Variants in NSG2 observed in about 807,000 individuals in gnomAD.
NSG2 encodes the protein neuronal vesicle trafficking-associated protein 2.
NSG2 carries 4 observed loss-of-function variants against 16.9 expected under a neutral mutation model. The ratio of observed to expected loss-of-function variants is 0.24; its 90% CI spans 0.12 to 0.54. NSG2 has a LOEUF of 0.54. Among genes scored for constraint, NSG2 ranks in the 20% least tolerant of loss-of-function variants. The pLI is 0.95. For synonymous variants in NSG2, 98 were observed against 88.7 expected, an observed-to-expected ratio of 1.11 and a Z score of -0.59; for missense variants, 179 against 221.1, an observed-to-expected ratio of 0.81 and a Z score of 1.21.
At chr5:174,047,595 A>G (rs987763041) in intron 2 of NSG2, among the ~76,000 whole-genome samples, 4 of 152,234 alleles carry the variant, frequency 2.6e-5, no homozygotes, top group African/African-American at 9.6e-5. Flanking sequence ...AAGGGCACAC[A>G]TATGCAAAGC....
chr5:174,105,856 C>T (rs560217093), intron 4 of NSG2, among the ~76,000 whole-genome samples: 43 of 152,142 alleles, frequency 2.8e-4, no homozygotes, highest in Middle Eastern at 3.4e-3. Context: ...GCCGAGGCCG[C>T]GCCATTGCAC....
intron 3 of NSG2, among the ~76,000 whole-genome samples, chr5:174,069,377 C>T (rs901996801): frequency 2.6e-5 from 4 of 152,128 alleles, no homozygotes; most frequent in Non-Finnish European, 5.9e-5. Context: ...TGAGTTGGAG[C>T]TGAGTTTGGA....
intron 1 of NSG2, among the ~76,000 whole-genome samples, chr5:174,046,370 A>G (rs1484740130): frequency 1.3e-5 from 2 of 152,036 alleles, no homozygotes; most frequent in African/African-American, 2.4e-5. Context: ...GGGTGGTATA[A>G]TAGGACTTCA....
chr5:174,062,952 A>G lies in NSG2; in HGVS notation c.130-1280A>G, dbSNP rs193264891. On this transcript the variant is annotated intron_variant, in intron 2 of 4. Transcript: ENST00000303177. ...GCCATAATGGGAAGTAGGAGTGATC[A>G]TGGTTAGAAGATTACTTCATTTTAG... Among the ~76,000 whole-genome samples the G allele has an allele frequency of 2.3e-4, 35 of 152,342 alleles. No homozygotes were observed. In the East Asian group the frequency reaches 6.8e-3, roughly 29 times the overall value.
At chr5:174,046,646 T>A in intron 1 of NSG2, 88 bp from the exon 2 acceptor site, 1 of 1,133,732 alleles carries the variant, frequency 8.8e-7, no homozygotes, top group East Asian at 2.4e-5. Flanking sequence ...TGAGTGGAGC[T>A]GTTGAGGACA....
intron 2 of NSG2, chr5:174,062,766 G>A (rs67299567): frequency 0.13 from 20,312 of 152,150 alleles, 1,819 homozygotes; most frequent in African/African-American, 0.25. Context: ...TGGTAGCGCC[G>A]TCCCTATCCC....
intron 2 of NSG2, among the ~76,000 whole-genome samples, chr5:174,063,296 A>T (rs963833171): frequency 6.6e-6 from 1 of 152,068 alleles, no homozygotes; most frequent in African/African-American, 2.4e-5. Flanking sequence ...TTTTTCTTTC[A>T]CTTTGCCTGC....
chr5:174,076,629 C>T lies in NSG2; in HGVS notation c.213+12314C>T, dbSNP rs1408323939. Among the ~76,000 whole-genome samples, 6 of 152,126 alleles carry T rather than the reference C, an allele frequency of 3.9e-5. 1 individual carries two copies. The East Asian group carries it at 1.2e-3, about 29-fold the overall frequency. The stretch of plus-strand genomic sequence containing the variant: ...TGGTTTCTGGTCTCAATCTTTGGGC[C>T]TCAGTTTTCCCATCTGTAAAATGAG... On this transcript the variant is annotated intron_variant, in intron 3 of 4. Coordinates refer to ENST00000303177, the MANE Select transcript of NSG2 (RefSeq NM_015980.5).
chr5:174,064,872 C>T (rs1007664856), intron 3 of NSG2, among the ~76,000 whole-genome samples: 35 of 151,978 alleles, frequency 2.3e-4, no homozygotes, highest in African/African-American at 7.7e-4. Context: ...GGGAATGCCC[C>T]GAGGAAGTCA....
intron 4 of NSG2, among the ~76,000 whole-genome samples, chr5:174,105,656 G>A (rs777443325): frequency 5.9e-5 from 9 of 152,180 alleles, no homozygotes; most frequent in Non-Finnish European, 1.3e-4. Context: ...GTTCAGATCT[G>A]CCTTCCTAGA....
intron 3 of NSG2, among the ~76,000 whole-genome samples, chr5:174,094,566 C>A (rs540143314): frequency 6.6e-6 from 1 of 152,162 alleles, no homozygotes; most frequent in Non-Finnish European, 1.5e-5. Context: ...CCATAGTTAC[C>A]TCAGAGAACT....
At chr5:174,051,594 T>C (rs1393233549) in intron 2 of NSG2, among the ~76,000 whole-genome samples, 1 of 152,026 alleles carries the variant, frequency 6.6e-6, no homozygotes, top group East Asian at 1.9e-4. Flanking sequence ...CATCCATCCA[T>C]CCAGCAAGTC....
chr5:174,099,042 A>G (rs1195110776), intron 3 of NSG2, among the ~76,000 whole-genome samples: 4 of 152,060 alleles, frequency 2.6e-5, no homozygotes, highest in Non-Finnish European at 5.9e-5. Context: ...GGGAGGTGGG[A>G]GTTTCTCTCC....
In NSG2 at chr5:174,046,854, T is replaced by A. The variant is rs968507710; in HGVS notation, c.99T>A (p.Val33=). ...QTVPLITPLE[V]NHLQLPAPEK... ...TCCCTCTCATCACTCCCTTGGAGGT[T>A]AATCACTTACAGCTGCCTGCTCCAG... is the stretch of plus-strand genomic sequence containing the variant. The change falls in exon 2 of 5, where the codon GTT becomes GTA. Residue 33 remains valine, a synonymous_variant. Transcript: ENST00000303177. 1.2e-6 allele frequency: 2 copies of A among 1,614,158 alleles called. No homozygotes were observed. The highest frequency in any genetic ancestry group is 1.7e-5 in the Admixed American group (1 of 60,026).
intron 2 of NSG2, among the ~76,000 whole-genome samples, chr5:174,063,633 G>T: frequency 6.6e-6 from 1 of 150,998 alleles, no homozygotes. Flanking sequence ...TGGGGTACAG[G>T]AGATATTTTG....
At chr5:174,052,200 G>A (rs1421436003) in intron 2 of NSG2, among the ~76,000 whole-genome samples, 1 of 152,154 alleles carries the variant, frequency 6.6e-6, no homozygotes, top group South Asian at 2.1e-4. Flanking sequence ...GTTGCCTGAA[G>A]CACCCCCGAT....
chr5:174,060,912 A>G (rs1450411684), intron 2 of NSG2, among the ~76,000 whole-genome samples: 5 of 152,144 alleles, frequency 3.3e-5, no homozygotes, highest in African/African-American at 1.2e-4. Flanking sequence ...ACATAGCACA[A>G]TGTAATCATG....
At chr5:174,080,771 C>G (rs903181328) in intron 3 of NSG2, among the ~76,000 whole-genome samples, 8 of 152,052 alleles carry the variant, frequency 5.3e-5, no homozygotes, top group Admixed American at 6.6e-5. Context: ...CCATATTGGC[C>G]AGGCTGGTCT....
intron 3 of NSG2, among the ~76,000 whole-genome samples, chr5:174,101,070 C>G (rs1284406331): frequency 1.3e-5 from 2 of 152,218 alleles, no homozygotes; most frequent in Non-Finnish European, 2.9e-5. Flanking sequence ...CCTGAGCATG[C>G]ACGAGCTCGA....
Sources: allele counts gnomAD v4.1 joint callset (sites outside exome capture counted in the v4.1 genomes callset), GRCh38; gene constraint gnomAD v4.1.1; transcripts MANE v1.5; gene names NCBI Gene and HGNC (gene_info 2026-07-23, HGNC 2026-07-21).